The following LRMDA variants were observed in gnomAD, a reference collection of about 807,000 sequenced individuals.
The protein encoded by LRMDA is leucine rich melanocyte differentiation associated.
In LRMDA, 18 loss-of-function variants were observed where a neutral mutation model predicts 29.8. That is an observed-to-expected ratio of 0.60 (90% CI 0.42 to 0.90). The LOEUF is 0.90. Ranked by LOEUF, LRMDA falls within the 40% of genes least tolerant of loss-of-function variation. The pLI is 0.00. For synonymous variants in LRMDA, 125 were observed against 109.4 expected (o/e 1.14, Z -0.89); for missense variants, 273 against 273.9 (o/e 1.00, Z 0.02).
intron 5 of LRMDA, among the ~76,000 whole-genome samples, chr10:76,246,842 A>G (rs181400237): frequency 9.6e-4 from 146 of 152,300 alleles, no homozygotes; most frequent in Non-Finnish European, 1.7e-3. Flanking sequence ...TGGACTGGAT[A>G]ACTGCATAAC....
At chr10:75,978,624 G>A (rs9663814) in intron 2 of LRMDA, among the ~76,000 whole-genome samples, 81,840 of 152,040 alleles carry the variant, frequency 0.54, 22,580 homozygotes, top group Non-Finnish European at 0.6. Context: ...TGAACTATCA[G>A]TGAGTTTCCA....
chr10:76,296,220 C>T (rs1239068855), intron 5 of LRMDA, among the ~76,000 whole-genome samples: 4 of 152,164 alleles, frequency 2.6e-5, no homozygotes, highest in Admixed American at 2.0e-4. Flanking sequence ...ATCAAATAAG[C>T]CTAGTTTGCT....
At chr10:75,563,875 G>C (rs565542514) in intron 2 of LRMDA, among the ~76,000 whole-genome samples, 2,262 of 151,614 alleles carry the variant, frequency 0.015, 73 homozygotes, top group African/African-American at 0.052. Context: ...GCTGCTGTCT[G>C]ATCGTTCCTC....
chr10:76,237,930 A>G (rs1852186601), intron 5 of LRMDA, among the ~76,000 whole-genome samples: 1 of 151,684 alleles, frequency 6.6e-6, no homozygotes, highest in Non-Finnish European at 1.5e-5. Context: ...AGCTGGGATT[A>G]CAAGCACGTG....
chr10:75,869,505 G>A (rs952067220), intron 2 of LRMDA, among the ~76,000 whole-genome samples: 3 of 152,180 alleles, frequency 2.0e-5, no homozygotes, highest in African/African-American at 7.2e-5. Context: ...TTGAGCAAGA[G>A]AGCCTGTTAT....
chr10:75,671,215 A>G (rs1841887143), intron 2 of LRMDA, among the ~76,000 whole-genome samples: 1 of 152,200 alleles, frequency 6.6e-6, no homozygotes, highest in African/African-American at 2.4e-5. Context: ...TGCAATATTG[A>G]GAAAATTGTA....
intron 2 of LRMDA, among the ~76,000 whole-genome samples, chr10:76,008,681 G>A (rs979455223): frequency 6.6e-6 from 1 of 152,232 alleles, no homozygotes; most frequent in Non-Finnish European, 1.5e-5. Flanking sequence ...GGCTGGCAGT[G>A]TTTCGGATCA....
intron 2 of LRMDA, among the ~76,000 whole-genome samples, chr10:75,939,179 C>G (rs545681752): frequency 4.6e-4 from 70 of 152,240 alleles, no homozygotes; most frequent in African/African-American, 1.6e-3. Context: ...TGGTGAGGGG[C>G]CCTGGACCTG....
chr10:75,929,471 G>A (rs555386651), intron 2 of LRMDA, among the ~76,000 whole-genome samples: 9 of 152,254 alleles, frequency 5.9e-5, no homozygotes, highest in Non-Finnish European at 1.0e-4. Flanking sequence ...CTTCATTTTC[G>A]TGGTTGAAGT....
intron 5 of LRMDA, among the ~76,000 whole-genome samples, chr10:76,255,832 TAGAG>T (rs1852584684): frequency 6.6e-6 from 1 of 152,204 alleles, no homozygotes; most frequent in Non-Finnish European, 1.5e-5. Context: ...AGGCACATAT[TAGAG>T]AGAATAAAAT....
chr10:76,373,794 T>C (rs1368009296), intron 6 of LRMDA, among the ~76,000 whole-genome samples: 1 of 152,196 alleles, frequency 6.6e-6, no homozygotes, highest in Non-Finnish European at 1.5e-5. Context: ...TTCTTTTCTG[T>C]TTCAAACTTT....
At chr10:76,174,219 C>T (rs922016979) in intron 5 of LRMDA, among the ~76,000 whole-genome samples, 1 of 152,174 alleles carries the variant, frequency 6.6e-6, no homozygotes, top group Non-Finnish European at 1.5e-5. Flanking sequence ...GCTTATTTCA[C>T]ATTGCATGCC....
chr10:76,373,335 G>A (rs998984601), intron 6 of LRMDA, among the ~76,000 whole-genome samples: 4 of 152,138 alleles, frequency 2.6e-5, no homozygotes, highest in Non-Finnish European at 5.9e-5. Context: ...GAAAAAAAGA[G>A]TAATGAGTAG....
intron 6 of LRMDA, among the ~76,000 whole-genome samples, chr10:76,517,780 G>A (rs1843076352): frequency 6.6e-6 from 1 of 151,876 alleles, no homozygotes; most frequent in Non-Finnish European, 1.5e-5. Flanking sequence ...TCTAAGTCAG[G>A]AGGAAGTGAT....
intron 6 of LRMDA, among the ~76,000 whole-genome samples, chr10:76,482,809 C>T (rs916179782): frequency 3.3e-5 from 5 of 151,960 alleles, no homozygotes; most frequent in African/African-American, 1.2e-4. Context: ...TTCAATTCAG[C>T]AGTTGTTCCA....
rs374052789 is a variant in LRMDA, at chr10:76,014,126, T to TTA, written c.132-21865_132-21864dup. 7.9e-3 allele frequency among the ~76,000 whole-genome samples: 529 copies of TTA among 67,244 alleles called. 6 individuals are homozygous for TTA. The highest frequency in any genetic ancestry group is 0.048 in the Middle Eastern group (5 of 104). 44.1% of individuals were successfully genotyped at this position (67,244 alleles called of 152,430 possible). A position where few individuals can be genotyped will look rare whatever the true frequency, so the allele number is the denominator to read the frequency against. The stretch of plus-strand genomic sequence containing the variant: ...AAAAAGTATATATATATATATATAA[T>TTA]TATATATATATATATATAATTATAT... On this transcript the variant is annotated intron_variant, in intron 2 of 6. Transcript: ENST00000611255.
chr10:76,419,757 A>G (rs187033787), intron 6 of LRMDA, among the ~76,000 whole-genome samples: 1 of 152,138 alleles, frequency 6.6e-6, no homozygotes, highest in Non-Finnish European at 1.5e-5. Context: ...TCTTTTATCC[A>G]TTTTTAAAAT....
At chr10:75,555,860 G>A (rs368022848) in intron 2 of LRMDA, among the ~76,000 whole-genome samples, 7 of 152,186 alleles carry the variant, frequency 4.6e-5, no homozygotes, top group African/African-American at 1.7e-4. Context: ...TATAGGGAAA[G>A]ATTGGAAATC....
intron 5 of LRMDA, among the ~76,000 whole-genome samples, chr10:76,320,312 T>G (rs1032612924): frequency 6.6e-6 from 1 of 152,180 alleles, no homozygotes; most frequent in Non-Finnish European, 1.5e-5. Context: ...TCAAGTAACC[T>G]TCAGAATGCT....
Sources: gnomAD v4.1 joint callset for allele counts (sites outside exome capture counted in the v4.1 genomes callset) on GRCh38, gnomAD v4.1.1 for gene constraint, MANE v1.5 for transcripts, NCBI Gene and HGNC (gene_info 2026-07-23, HGNC 2026-07-21) for gene names.